Variants in KMT2A observed in about 807,000 individuals in gnomAD.
KMT2A encodes the protein histone-lysine N-methyltransferase 2A.
A neutral mutation model predicts 345.3 loss-of-function variants in KMT2A; 16 were observed. That is an observed-to-expected ratio of 0.05 (90% CI 0.03 to 0.07). KMT2A has a LOEUF of 0.07. Among genes scored for constraint, KMT2A ranks in the 10% least tolerant of loss-of-function variants. The pLI, the probability that KMT2A is intolerant of heterozygous loss-of-function variation, is 1.00. For synonymous variants in KMT2A, 1,599 were observed against 1,778.6 expected, an observed-to-expected ratio of 0.90 and a Z score of 2.54; for missense variants, 3,272 against 4,841.6, an observed-to-expected ratio of 0.68 and a Z score of 9.62.
chr11:118,488,357 A>G lies in KMT2A; in HGVS notation c.4333-257A>G, dbSNP rs573771484. The G allele has an allele frequency of 1.1e-4, 54 of 476,728 alleles. 1 individual carries two copies. Among genetic ancestry groups the G allele is most frequent in the South Asian group, 1.0e-3 (51 of 48,774 alleles). 29.5% of individuals were successfully genotyped at this position (476,728 alleles called of 1,614,324 possible). A position where few individuals can be genotyped will look rare whatever the true frequency, so the allele number is the denominator to read the frequency against. On this transcript the variant is annotated intron_variant, in intron 10 of 35. Coordinates refer to ENST00000534358, the MANE Select transcript of KMT2A (RefSeq NM_001197104.2). ...TGTTTATACCACTCTTAGGTCACTT[A>G]GCATGTTCTGTTAAATCTTGTATTA...
At chr11:118,448,728 A>G (rs1279267196) in intron 1 of KMT2A, 2 of 152,182 alleles carry the variant, frequency 1.3e-5, no homozygotes, top group African/African-American at 4.8e-5. Context: ...AGTATTTTTT[A>G]AGTGGCATAT....
chr11:118,509,664 AT>A (rs1281494678), intron 29 of KMT2A, among the ~76,000 whole-genome samples: 2 of 152,200 alleles, frequency 1.3e-5, no homozygotes, highest in Non-Finnish European at 2.9e-5. Context: ...GTATAACTCT[AT>A]TGAGGACAGT....
chr11:118,460,162 C>T (rs1408267586), intron 1 of KMT2A, among the ~76,000 whole-genome samples: 2 of 152,156 alleles, frequency 1.3e-5, no homozygotes, highest in Non-Finnish European at 2.9e-5. Flanking sequence ...TGCCTAAACT[C>T]TGATTTCTAG....
chr11:118,503,048 A>T lies in KMT2A; in HGVS notation c.7156A>T (p.Thr2386Ser), dbSNP rs2134389347. The stretch of plus-strand genomic sequence containing the variant: ...GCAAAGGAATGATCGAGACCAACAC[A>T]CAGATTCTACCCAATCAGCAAACTC... ...RGQRNDRDQHTDSTQSANSSP... is the reference protein window; with the variant it reads ...RGQRNDRDQHSDSTQSANSSP... Residue 2386 changes from threonine (T) to serine (S), a missense_variant, in exon 27 of 36, where the codon ACA (threonine) becomes TCA (serine). Physicochemically the swap from Thr to Ser is moderately conservative, Grantham distance 58. Transcript: ENST00000534358. The surrounding 1 kb of genome is among the most constrained non-coding windows in gnomAD (Gnocchi z 5.3). 6.2e-7 allele frequency: 1 copy of T among 1,613,258 alleles called. No individual in the cohort carries two copies. The highest frequency in any genetic ancestry group is 8.5e-7 in the Non-Finnish European group (1 of 1,179,968).
In KMT2A at chr11:118,504,896, A is replaced by T; in HGVS notation, c.9004A>T (p.Met3002Leu). 6.2e-7 allele frequency: 1 copy of T among 1,614,164 alleles called. No individual in the cohort carries two copies. Among genetic ancestry groups the T allele is most frequent in the Non-Finnish European group, 8.5e-7 (1 of 1,179,974 alleles). The change falls in exon 27 of 36, where the codon ATG becomes TTG. Residue 3002 changes from methionine to leucine, a missense_variant. By Grantham distance (15) the Met-to-Leu change is conservative. Transcript: ENST00000534358. This position sits in a 1 kb window ranked among gnomAD's most constrained non-coding sequence, Gnocchi z 6.4. ...TCCTGATCATTTTATCCAAGGACAC[A>T]TGGATGCAGACCACATCTCTAGCCC... ...MTPDHFIQGHMDADHISSPPC... is the reference protein window; with the variant it reads ...MTPDHFIQGHLDADHISSPPC...
At chr11:118,463,241 A>G (rs1367951987) in intron 1 of KMT2A, among the ~76,000 whole-genome samples, 2 of 152,122 alleles carry the variant, frequency 1.3e-5, no homozygotes, top group African/African-American at 4.8e-5. Flanking sequence ...TACAGGCATG[A>G]GCCACTGCAC....
In KMT2A at chr11:118,503,453, C is replaced by A; in HGVS notation, c.7561C>A (p.Arg2521Ser). 1 of 1,614,050 alleles carries A rather than the reference C, an allele frequency of 6.2e-7. No individual in the cohort carries two copies. Residue 2521 changes from arginine (R) to serine (S), a missense_variant, in exon 27 of 36, where the codon CGC (arginine) becomes AGC (serine). Coordinates refer to ENST00000534358, the MANE Select transcript of KMT2A (RefSeq NM_001197104.2). This position sits in a 1 kb window ranked among gnomAD's most constrained non-coding sequence, Gnocchi z 5.3. ...CAAGGAATTACAGGCACCACGGAAA[C>A]GCACAGTCAAAGTGACACTGACACC... Reference protein sequence around the residue: ...SAKELQAPRKRTVKVTLTPLK... With the variant: ...SAKELQAPRKSTVKVTLTPLK...
Position 118,505,471 on chromosome 11 carries a change from T to C in KMT2A, c.9579T>C (p.Pro3193=), listed in dbSNP as rs1555047794. Residue 3193 remains proline, a synonymous_variant, in exon 27 of 36, where the codon CCT becomes CCC. Coordinates refer to ENST00000534358, the MANE Select transcript of KMT2A (RefSeq NM_001197104.2). This position sits in a 1 kb window ranked among gnomAD's most constrained non-coding sequence, Gnocchi z 4.6. ...PPSGLLIGVQ[P]PPDPQLLVSE... Reference sequence around the variant, plus strand: ...CAGGCCTGCTTATTGGGGTTCAGCCTCCTCCGGATCCCCAACTTTTGGTTT... The same window carrying C: ...CAGGCCTGCTTATTGGGGTTCAGCCCCCTCCGGATCCCCAACTTTTGGTTT... 1 of 1,614,002 alleles carries C rather than the reference T, an allele frequency of 6.2e-7. No homozygotes were observed. The highest frequency in any genetic ancestry group is 1.3e-5 in the African/African-American group (1 of 74,898).
Position 118,497,855 on chromosome 11 carries a change from T to G in KMT2A, c.5665-81T>G. 1 of 1,096,426 alleles carries G rather than the reference T, an allele frequency of 9.1e-7. No individual in the cohort carries two copies. The highest frequency in any genetic ancestry group is 1.4e-6 in the Non-Finnish European group (1 of 739,194). The allele number at this position is 1,096,426 out of a possible 1,614,324, so 67.9% of individuals were successfully genotyped here. A position where few individuals can be genotyped will look rare whatever the true frequency, so the allele number is the denominator to read the frequency against. On this transcript the variant is annotated intron_variant, in intron 20 of 35. Transcript: ENST00000534358. This position sits in a 1 kb window ranked among gnomAD's most constrained non-coding sequence, Gnocchi z 4.8. ...TTATAGTTGCTTTCTTGAGGTTATC[T>G]TCACTGGAAAAGCTAATGCCGAGGA...
chr11:118,459,821 G>A (rs1035974561), intron 1 of KMT2A, among the ~76,000 whole-genome samples: 1 of 148,346 alleles, frequency 6.7e-6, no homozygotes, highest in East Asian at 2.0e-4. Flanking sequence ...CGAGTAGCTA[G>A]GATTACAGGC....
rs782748241 is a variant in KMT2A, at chr11:118,484,145, G to A, written c.4087-38G>A. 3 of 1,604,330 alleles carry A rather than the reference G, an allele frequency of 1.9e-6. No homozygotes were observed. The highest frequency in any genetic ancestry group is 2.6e-6 in the Non-Finnish European group (3 of 1,174,886). On this transcript the variant is annotated intron_variant, in intron 8 of 35. Transcript: ENST00000534358. The surrounding 1 kb of genome is among the most constrained non-coding windows in gnomAD (Gnocchi z 4.1). ...TGTTGCAAATGTGAAGGCAAATAGG[G>A]TGTGATTTTGTTCTATATTCATCTT...
chr11:118,501,234 A>T, intron 25 of KMT2A, 87 bp downstream of exon 25: 1 of 1,252,788 alleles, frequency 8.0e-7, no homozygotes, highest in Non-Finnish European at 1.1e-6. Context: ...GAGGCAGGTG[A>T]ATCACTTGAG....
intron 8 of KMT2A, among the ~76,000 whole-genome samples, chr11:118,483,403 G>A (rs1424707240): frequency 1.3e-5 from 2 of 151,976 alleles, no homozygotes; most frequent in African/African-American, 2.4e-5. Flanking sequence ...CGAGGTGGCG[G>A]GCGCCTGTAG....
At chr11:118,514,884 C>T (rs1950776844) in intron 31 of KMT2A, among the ~76,000 whole-genome samples, 2 of 152,202 alleles carry the variant, frequency 1.3e-5, no homozygotes, top group Non-Finnish European at 2.9e-5. Context: ...CTGCCCGCCT[C>T]AGCCTCCCAA....
In KMT2A at chr11:118,495,164, A is replaced by AT. The variant is rs1204776106; in HGVS notation, c.5363+410dup. On this transcript the variant is annotated intron_variant, in intron 18 of 35. Coordinates refer to ENST00000534358, the MANE Select transcript of KMT2A (RefSeq NM_001197104.2). This position sits in a 1 kb window ranked among gnomAD's most constrained non-coding sequence, Gnocchi z 4.1. ...TTGATTTGATTTTATTTATTTATTT[A>AT]TTTTTTTTTTTTTGAGACGGAGTCT... Among the ~76,000 whole-genome samples the AT allele has an allele frequency of 4.2e-3, 589 of 140,998 alleles. No individual in the cohort carries two copies. Among genetic ancestry groups the AT allele is most frequent in the African/African-American group, 0.011 (400 of 37,890 alleles). 92.5% of individuals were successfully genotyped at this position (140,998 alleles called of 152,430 possible). A position where few individuals can be genotyped will look rare whatever the true frequency, so the allele number is the denominator to read the frequency against.
intron 22 of KMT2A, 78 bp from the exon 23 acceptor site, chr11:118,499,225 C>A: frequency 2.3e-6 from 2 of 886,868 alleles, no homozygotes; most frequent in Non-Finnish European, 3.8e-6. Context: ...ATGTGCCTTC[C>A]ACTCTGAGAC....
chr11:118,499,359 A>T lies in KMT2A; in HGVS notation c.6018A>T (p.Gly2006=), dbSNP rs202002114. The T allele has an allele frequency of 2.9e-5, 46 of 1,611,992 alleles. No homozygotes were observed. Among genetic ancestry groups the T allele is most frequent in the Non-Finnish European group, 3.7e-5 (44 of 1,179,842 alleles). Residue 2006 remains glycine, a synonymous_variant, in exon 23 of 36, where the codon GGA becomes GGT. Transcript: ENST00000534358. ...VFRRVFVDFE[G]ISLRRKFLNG... Reference sequence around the variant, plus strand: ...GAAGAGTGTTTGTGGACTTTGAAGGAATCAGCTTGAGAAGGAAGTTTCTCA... The same window carrying T: ...GAAGAGTGTTTGTGGACTTTGAAGGTATCAGCTTGAGAAGGAAGTTTCTCA...
chr11:118,507,426 C>A, intron 27 of KMT2A, 103 bp from the exon 28 acceptor site: 3 of 1,011,060 alleles, frequency 3.0e-6, no homozygotes, highest in African/African-American at 1.6e-5. Flanking sequence ...GGCTTATAGA[C>A]TTTATCAGAT....
intron 10 of KMT2A, among the ~76,000 whole-genome samples, chr11:118,486,769 T>C (rs1950237441): frequency 6.6e-6 from 1 of 151,924 alleles, no homozygotes; most frequent in African/African-American, 2.4e-5. Context: ...GCTACTCTAG[T>C]CCCAGCTACT....
Sources: gnomAD v4.1 joint callset for allele counts (sites outside exome capture counted in the v4.1 genomes callset) on GRCh38, gnomAD v4.1.1 for gene constraint, Gnocchi (gnomAD v3.1) non-coding constraint, MANE v1.5 for transcripts, NCBI Gene and HGNC (gene_info 2026-07-23, HGNC 2026-07-21) for gene names.